RFC4: variants seen among roughly 807,000 people sequenced by gnomAD.
RFC4 encodes replication factor C subunit 4.
In RFC4, 38 loss-of-function variants were observed where a neutral mutation model predicts 47.6. That is an observed-to-expected ratio of 0.80 (90% CI 0.62 to 1.05). The LOEUF (loss-of-function observed/expected upper bound fraction) is 1.05, where lower values mean the gene tolerates loss of function less well. Among genes scored for constraint, RFC4 ranks in the 50% least tolerant of loss-of-function variants. RFC4 has a pLI of 0.00. For synonymous variants in RFC4, 164 were observed against 150.0 expected (o/e 1.09, Z -0.68); for missense variants, 489 against 434.0 (o/e 1.13, Z -1.13).
chr3:186,802,481 T>C (rs906902803), intron 2 of RFC4, among the ~76,000 whole-genome samples: 1 of 152,220 alleles, frequency 6.6e-6, no homozygotes, highest in African/African-American at 2.4e-5. Context: ...TTAATGCCAA[T>C]TTTTTCCATC....
chr3:186,797,869 T>A (rs1385250392), intron 3 of RFC4, among the ~76,000 whole-genome samples: 1 of 152,252 alleles, frequency 6.6e-6, no homozygotes, highest in East Asian at 1.9e-4. Context: ...ATGCTTGCTC[T>A]ATAGCTAATC....
chr3:186,799,925 T>G (rs959705736), intron 3 of RFC4, among the ~76,000 whole-genome samples: 1 of 151,468 alleles, frequency 6.6e-6, no homozygotes, highest in African/African-American at 2.4e-5. Flanking sequence ...GGTATAAGAG[T>G]ATTTGTGTTA....
chr3:186,798,001 C>T (rs3917118), intron 3 of RFC4, among the ~76,000 whole-genome samples: 9,645 of 152,142 alleles, frequency 0.063, 523 homozygotes, highest in African/African-American at 0.15. Flanking sequence ...AAAATGTCAG[C>T]TGCTTCAAAG....
intron 2 of RFC4, among the ~76,000 whole-genome samples, chr3:186,802,420 T>C (rs1158735300): frequency 6.6e-6 from 1 of 152,192 alleles, no homozygotes; most frequent in Non-Finnish European, 1.5e-5. Context: ...TTAGTATAGG[T>C]AACTATTTTG....
intron 8 of RFC4, 96 bp from the exon 9 acceptor site, chr3:186,790,502 C>T: frequency 1.2e-6 from 1 of 846,584 alleles, no homozygotes. Flanking sequence ...ATTTCTGTTC[C>T]ACACCTAAGT....
intron 7 of RFC4, 135 bp downstream of exon 7, chr3:186,792,355 G>T: frequency 1.5e-6 from 1 of 681,684 alleles, no homozygotes; most frequent in Non-Finnish European, 2.5e-6. Context: ...TTCAATTGTT[G>T]CCCCTTTAGC....
intron 3 of RFC4, 66 bp from the exon 4 acceptor site, chr3:186,797,680 G>T: frequency 8.9e-7 from 1 of 1,126,518 alleles, no homozygotes; most frequent in Non-Finnish European, 1.3e-6. Flanking sequence ...AAGGAAGATC[G>T]AAAAAAATGT....
In RFC4 at chr3:186,789,953, TCC is replaced by T. The variant is rs1722020957; in HGVS notation, c.*14_*15del. 6.7e-7 allele frequency: 1 copy of T among 1,490,108 alleles called. No individual in the cohort carries two copies. Among genetic ancestry groups the T allele is most frequent in the Non-Finnish European group, 9.3e-7 (1 of 1,070,126 alleles). The allele number at this position is 1,490,108 out of a possible 1,614,324, so 92.3% of individuals were successfully genotyped here. Reference sequence around the variant, plus strand: ...ACTTCATTATTTACAAAACCCCCCATCCAGATATATTCACGTTAACAATTCTG... The same window carrying T: ...ACTTCATTATTTACAAAACCCCCCATAGATATATTCACGTTAACAATTCTG... On this transcript the variant is annotated 3_prime_UTR_variant, in exon 11 of 11. Transcript: ENST00000296273.
In RFC4 at chr3:186,792,844, T is replaced by C; in HGVS notation, c.514A>G (p.Lys172Glu). 2 of 1,614,132 alleles carry C rather than the reference T, an allele frequency of 1.2e-6. No individual in the cohort carries two copies. Among genetic ancestry groups the C allele is most frequent in the Non-Finnish European group, 1.7e-6 (2 of 1,180,002 alleles). Reference protein sequence around the residue: ...ALRRTMEKESKTTRFCLICNY... With the variant: ...ALRRTMEKESETTRFCLICNY... ...CAGATAAGACAGAATCGGGTGGTTT[T>C]CGACTCCTTCTCCATGGTACGTCTT... Residue 172 changes from lysine to glutamate, a missense_variant, in exon 6 of 11, where the codon AAA becomes GAA. Lys to Glu is a moderately conservative substitution (Grantham distance 56). Coordinates refer to ENST00000296273, the MANE Select transcript of RFC4 (RefSeq NM_002916.5).
intron 4 of RFC4, among the ~76,000 whole-genome samples, chr3:186,797,125 G>A (rs1036080265): frequency 6.6e-6 from 1 of 152,222 alleles, no homozygotes; most frequent in African/African-American, 2.4e-5. Context: ...CAGGACTCAA[G>A]AATGGATGGT....
In RFC4 at chr3:186,793,823, C is replaced by T. The variant is rs371201811; in HGVS notation, c.410+835G>A. On this transcript the variant is annotated intron_variant, in intron 5 of 10. Transcript: ENST00000296273. This position sits in a 1 kb window ranked among gnomAD's most constrained non-coding sequence, Gnocchi z 4.2. ...CTGCAAGCTCTGCCTCCTGGGTTCA[C>T]GCCATACTCCTGCCTCAGCCTCCCG... Among the ~76,000 whole-genome samples the T allele has an allele frequency of 1.1e-4, 17 of 151,526 alleles. 1 individual carries two copies. Among genetic ancestry groups the T allele is most frequent in the Admixed American group, 5.9e-4 (9 of 15,200 alleles).
At chr3:186,804,509 A>G in intron 2 of RFC4, 74 bp downstream of exon 2, 1 of 1,446,306 alleles carries the variant, frequency 6.9e-7, no homozygotes, top group Non-Finnish European at 9.4e-7. Context: ...TAAGTTAAAA[A>G]AAAAAAAAAG....
At position 186,796,602 on chromosome 3, in the gene RFC4, G is replaced by A. The variant is rs1161841780; in HGVS notation, c.290+933C>T. Among the ~76,000 whole-genome samples the A allele has an allele frequency of 6.6e-6, 1 of 151,884 alleles. No individual in the cohort carries two copies. The highest frequency in any genetic ancestry group is 2.4e-5 in the African/African-American group (1 of 41,348). ...TCAAGTGATTCTCCTGCCTCAGCCTGCCGAGTAGCTGGGACTACAGGTGCA... is the reference window on the plus strand; with the variant it reads ...TCAAGTGATTCTCCTGCCTCAGCCTACCGAGTAGCTGGGACTACAGGTGCA... On this transcript the variant is annotated intron_variant, in intron 4 of 10. Transcript: ENST00000296273. This position sits in a 1 kb window ranked among gnomAD's most constrained non-coding sequence, Gnocchi z 4.2.
At position 186,792,475 on chromosome 3, in the gene RFC4, A is replaced by G. The variant is rs780382681; in HGVS notation, c.675+15T>C. The G allele has an allele frequency of 1.2e-6, 2 of 1,604,242 alleles. No individual in the cohort carries two copies. Among genetic ancestry groups the G allele is most frequent in the Non-Finnish European group, 1.7e-6 (2 of 1,171,678 alleles). ...GGAATTAGTAACTCTAATAATTGTA[A>G]TAATTAGTAATTACCTCATCACTAA... On this transcript the variant is annotated intron_variant, in intron 7 of 10. Coordinates refer to ENST00000296273, the MANE Select transcript of RFC4 (RefSeq NM_002916.5).
intron 3 of RFC4, 77 bp downstream of exon 3, chr3:186,801,040 A>G: frequency 1.9e-6 from 2 of 1,063,610 alleles, no homozygotes; most frequent in Non-Finnish European, 2.9e-6. Context: ...GAGGGCTAGA[A>G]GTTATAAAGG....
chr3:186,790,277 G>T (rs768556774), intron 9 of RFC4, 22 bp from the exon 10 acceptor site: 1 of 1,610,260 alleles, frequency 6.2e-7, no homozygotes, highest in Non-Finnish European at 8.5e-7. Context: ...AAAACTTTTG[G>T]TATGATGACT....
chr3:186,797,890 A>C (rs1722275038), intron 3 of RFC4, among the ~76,000 whole-genome samples: 1 of 152,222 alleles, frequency 6.6e-6, no homozygotes, highest in Non-Finnish European at 1.5e-5. Flanking sequence ...CACTTAGGTG[A>C]AATTTTCAAA....
chr3:186,790,521 TTCCTGGGAAGGC>T, intron 8 of RFC4, 115 bp from the exon 9 acceptor site: 1 of 770,968 alleles, frequency 1.3e-6, no homozygotes, highest in South Asian at 1.5e-5. Flanking sequence ...GTTCCATACT[TTCCTGGGAAGGC>T]TTTGGGAGAA....
chr3:186,798,529 T>C (rs1243126009), intron 3 of RFC4, among the ~76,000 whole-genome samples: 1 of 151,912 alleles, frequency 6.6e-6, no homozygotes, highest in African/African-American at 2.4e-5. Context: ...CTATTCCACT[T>C]AGAAAAACAA....
Sources: gnomAD v4.1 joint callset for allele counts (sites outside exome capture counted in the v4.1 genomes callset) on GRCh38, gnomAD v4.1.1 for gene constraint, Gnocchi (gnomAD v3.1) non-coding constraint, MANE v1.5 for transcripts, NCBI Gene and HGNC (gene_info 2026-07-23, HGNC 2026-07-21) for gene names.